Variants in KCNH5 observed in about 807,000 individuals in gnomAD.
KCNH5 encodes potassium voltage-gated channel subfamily H member 5, also known as voltage-gated delayed rectifier potassium channel KCNH5.
A neutral mutation model predicts 96.1 loss-of-function variants in KCNH5; 46 were observed. That is an observed-to-expected ratio of 0.48 (90% CI 0.38 to 0.61). KCNH5 has a LOEUF of 0.61. Ranked by LOEUF, KCNH5 falls within the 20% of genes least tolerant of loss-of-function variation. KCNH5 has a pLI of 0.00. For synonymous variants in KCNH5, 439 were observed against 449.8 expected (o/e 0.98, Z 0.30); for missense variants, 907 against 1,225.8 (o/e 0.74, Z 3.88).
At chr14:62,798,364 A>G (rs1167168740) in intron 9 of KCNH5, among the ~76,000 whole-genome samples, 2 of 152,234 alleles carry the variant, frequency 1.3e-5, no homozygotes, top group African/African-American at 4.8e-5. Flanking sequence ...TGTCATTTTT[A>G]TAACCTCAGA....
chr14:62,993,104 G>C (rs1165033474), intron 4 of KCNH5, among the ~76,000 whole-genome samples: 1 of 151,964 alleles, frequency 6.6e-6, no homozygotes, highest in Non-Finnish European at 1.5e-5. Flanking sequence ...TATTGGCTTT[G>C]TCAAAGATCA....
intron 10 of KCNH5, among the ~76,000 whole-genome samples, chr14:62,744,925 C>T (rs553776519): frequency 3.7e-4 from 57 of 152,238 alleles, no homozygotes; most frequent in African/African-American, 1.3e-3. Flanking sequence ...GAATACCTTC[C>T]AATCTGAAGG....
chr14:62,881,427 A>T (rs1487410698), intron 7 of KCNH5, among the ~76,000 whole-genome samples: 1 of 152,080 alleles, frequency 6.6e-6, no homozygotes, highest in African/African-American at 2.4e-5. Context: ...ATAACTGATA[A>T]GTGGGAACTA....
chr14:62,928,222 G>A (rs770594642), intron 7 of KCNH5, among the ~76,000 whole-genome samples: 25 of 152,022 alleles, frequency 1.6e-4, no homozygotes, highest in Non-Finnish European at 3.2e-4. Flanking sequence ...GAAGTCATGC[G>A]GTGATAACCT....
chr14:62,962,679 A>G (rs1316141948), intron 6 of KCNH5, among the ~76,000 whole-genome samples: 2 of 152,202 alleles, frequency 1.3e-5, no homozygotes. Flanking sequence ...GATACTATGG[A>G]AAGTTGCTGA....
chr14:62,943,523 T>A (rs1387696641), intron 7 of KCNH5, among the ~76,000 whole-genome samples: 3 of 152,178 alleles, frequency 2.0e-5, no homozygotes, highest in Admixed American at 1.3e-4. Flanking sequence ...CATCATTAAG[T>A]ATTTACCAAG....
intron 7 of KCNH5, among the ~76,000 whole-genome samples, chr14:62,919,329 T>A (rs972349043): frequency 6.6e-6 from 1 of 152,176 alleles, no homozygotes; most frequent in Non-Finnish European, 1.5e-5. Context: ...AAAACAAATA[T>A]ACTACTTCCC....
intron 4 of KCNH5, among the ~76,000 whole-genome samples, chr14:62,989,508 TCC>T (rs1890771270): frequency 6.6e-6 from 1 of 152,038 alleles, no homozygotes; most frequent in Admixed American, 6.6e-5. Context: ...GTCTTTTCCC[TCC>T]CCCATCTTTC....
intron 5 of KCNH5, 113 bp from the exon 6 acceptor site, chr14:62,981,377 TC>T: frequency 1.0e-6 from 1 of 994,480 alleles, no homozygotes; most frequent in Non-Finnish European, 1.5e-6. Flanking sequence ...CAGTCTTGCC[TC>T]CCTCTTCTCC....
At chr14:62,775,491 C>G (rs1447176790) in intron 10 of KCNH5, among the ~76,000 whole-genome samples, 1 of 152,188 alleles carries the variant, frequency 6.6e-6, no homozygotes, top group African/African-American at 2.4e-5. Context: ...CCCAGCATCC[C>G]CACAAGGCAA....
intron 6 of KCNH5, among the ~76,000 whole-genome samples, chr14:62,964,685 T>C (rs1296575142): frequency 6.6e-6 from 1 of 152,144 alleles, no homozygotes; most frequent in Non-Finnish European, 1.5e-5. Context: ...TCCCAGCCTC[T>C]TGCCAATTTT....
At chr14:62,744,811 T>C (rs1189450628) in intron 10 of KCNH5, among the ~76,000 whole-genome samples, 4 of 152,174 alleles carry the variant, frequency 2.6e-5, no homozygotes, top group East Asian at 1.9e-4. Flanking sequence ...TGACTTGAAA[T>C]AGCTAAAACA....
chr14:62,707,633 G>A lies in KCNH5; in HGVS notation c.2842C>T (p.Pro948Ser), dbSNP rs200587228. The change falls in exon 11 of 11, where the codon CCC (proline) becomes TCC (serine). Residue 948 changes from proline (P) to serine (S), a missense_variant. By Grantham distance (74) the Pro-to-Ser change is moderately conservative. This residue lies in a region of KCNH5 where 362 missense variants were observed against 394.4 expected (regional missense o/e 0.92). Transcript: ENST00000322893. ...ILKILSEKSV[P>S]QASSPKSQMP... is the part of the protein sequence containing the mutation. ...TGGGATTTGGGAGATGAGGCCTGGGGTACGCTTTTTTCCGACAGTATTTTT... is the reference window on the plus strand; with the variant it reads ...TGGGATTTGGGAGATGAGGCCTGGGATACGCTTTTTTCCGACAGTATTTTT... 24 of 1,579,228 alleles carry A rather than the reference G, an allele frequency of 1.5e-5. No individual in the cohort carries two copies. Among genetic ancestry groups the A allele is most frequent in the Middle Eastern group, 1.7e-4 (1 of 5,872 alleles).
chr14:62,799,726 T>TATATATATATACATAC (rs1213484157), intron 9 of KCNH5, among the ~76,000 whole-genome samples: 2 of 68,664 alleles, frequency 2.9e-5, no homozygotes, highest in South Asian at 1.5e-3. Context: ...TATATATATA[T>TATATATATATACATAC]ACACACACAC....
intron 7 of KCNH5, among the ~76,000 whole-genome samples, chr14:62,934,696 T>C (rs1889644886): frequency 6.6e-6 from 1 of 152,194 alleles, no homozygotes; most frequent in African/African-American, 2.4e-5. Context: ...AGCTTAGCTT[T>C]GAGTTTCAAA....
At chr14:62,771,760 T>C (rs1412052474) in intron 10 of KCNH5, among the ~76,000 whole-genome samples, 1 of 152,108 alleles carries the variant, frequency 6.6e-6, no homozygotes, top group Non-Finnish European at 1.5e-5. Flanking sequence ...CAACATCCAA[T>C]GGGCCCCACT....
intron 7 of KCNH5, among the ~76,000 whole-genome samples, chr14:62,856,985 T>A (rs1459437012): frequency 6.6e-6 from 1 of 152,166 alleles, no homozygotes; most frequent in African/African-American, 2.4e-5. Flanking sequence ...TTGAATGAAC[T>A]GTCAACTAGT....
chr14:62,850,360 T>C (rs1887780233), intron 7 of KCNH5, among the ~76,000 whole-genome samples: 1 of 152,140 alleles, frequency 6.6e-6, no homozygotes, highest in Non-Finnish European at 1.5e-5. Context: ...ACATCAGAAA[T>C]TTAGGGAGTG....
chr14:63,012,315 G>A (rs1001630843), intron 2 of KCNH5, among the ~76,000 whole-genome samples: 2 of 152,122 alleles, frequency 1.3e-5, no homozygotes, highest in Non-Finnish European at 2.9e-5. Flanking sequence ...GAAATTCCTA[G>A]GGATCCGAAA....
Sources: allele counts gnomAD v4.1 joint callset (sites outside exome capture counted in the v4.1 genomes callset), GRCh38; gene constraint gnomAD v4.1.1; regional missense constraint gnomAD v4.1.1; transcripts MANE v1.5; gene names NCBI Gene and HGNC (gene_info 2026-07-23, HGNC 2026-07-21).